The following SIL1 variants were observed in gnomAD, a reference collection of about 807,000 sequenced individuals.
SIL1 encodes nucleotide exchange factor SIL1.
A neutral mutation model predicts 49.1 loss-of-function variants in SIL1; 40 were observed. The observed-to-expected ratio is 0.81, with a 90% CI of 0.63 to 1.06. SIL1 has a LOEUF of 1.06. Among genes scored for constraint, SIL1 ranks in the 50% least tolerant of loss-of-function variants. The probability of loss-of-function intolerance (pLI) is 0.00; values close to 1 mark genes in which losing one functional copy is unlikely to be tolerated. For missense variants in SIL1, 500 were observed against 572.6 expected (o/e 0.87, Z 1.29); for synonymous variants, 253 against 250.8 (o/e 1.01, Z -0.08).
intron 7 of SIL1, among the ~76,000 whole-genome samples, chr5:138,996,795 G>A (rs1196035311): frequency 1.3e-5 from 2 of 152,098 alleles, no homozygotes; most frequent in Admixed American, 6.5e-5. Flanking sequence ...TGGGATTACA[G>A]GTGTGAGCCA....
chr5:139,131,068 CA>C (rs1750853702), intron 1 of SIL1, among the ~76,000 whole-genome samples: 1 of 152,070 alleles, frequency 6.6e-6, no homozygotes, highest in South Asian at 2.1e-4. Context: ...AAACTTAATC[CA>C]AATTAGCAAA....
chr5:138,950,801 G>C (rs1766752646), intron 9 of SIL1, among the ~76,000 whole-genome samples: 1 of 152,188 alleles, frequency 6.6e-6, no homozygotes, highest in Non-Finnish European at 1.5e-5. Context: ...AGAATCCGAA[G>C]AGTGAGTGCC....
intron 7 of SIL1, among the ~76,000 whole-genome samples, chr5:138,969,267 C>T (rs990158388): frequency 2.0e-5 from 3 of 152,116 alleles, no homozygotes; most frequent in African/African-American, 7.2e-5. Context: ...GATTAGGCAC[C>T]GCCTGCCAGC....
chr5:138,999,164 A>G (rs888136012), intron 7 of SIL1, among the ~76,000 whole-genome samples: 2 of 152,144 alleles, frequency 1.3e-5, no homozygotes, highest in Non-Finnish European at 2.9e-5. Flanking sequence ...GCCGAGGATT[A>G]TCTTTCAACA....
intron 7 of SIL1, among the ~76,000 whole-genome samples, chr5:139,003,814 T>C (rs955577774): frequency 6.6e-6 from 1 of 152,200 alleles, no homozygotes; most frequent in African/African-American, 2.4e-5. Flanking sequence ...GTTCCATTCT[T>C]CTCTTTGCTT....
At chr5:139,190,854 G>A (rs1299667295) in intron 1 of SIL1, among the ~76,000 whole-genome samples, 1 of 152,130 alleles carries the variant, frequency 6.6e-6, no homozygotes, top group Admixed American at 6.6e-5. Flanking sequence ...TTTAGCAGCT[G>A]GGTCCAAGGA....
chr5:138,957,631 A>G (rs1181840646), intron 7 of SIL1, among the ~76,000 whole-genome samples: 1 of 151,878 alleles, frequency 6.6e-6, no homozygotes, highest in Non-Finnish European at 1.5e-5. Flanking sequence ...CAAGAATAGT[A>G]AATAAACTCC....
chr5:139,065,466 T>C (rs1204179008), intron 3 of SIL1, among the ~76,000 whole-genome samples: 1 of 152,214 alleles, frequency 6.6e-6, no homozygotes, highest in Admixed American at 6.5e-5. Flanking sequence ...GTCACAAACT[T>C]AAGCCAGTTT....
At chr5:139,118,808 T>C (rs1051305460) in intron 3 of SIL1, among the ~76,000 whole-genome samples, 3 of 152,128 alleles carry the variant, frequency 2.0e-5, no homozygotes, top group African/African-American at 7.2e-5. Context: ...ATAGAAAACA[T>C]GTCAATTCTT....
At chr5:139,123,062 TG>T (rs1432808330) in intron 2 of SIL1, among the ~76,000 whole-genome samples, 1 of 152,214 alleles carries the variant, frequency 6.6e-6, no homozygotes, top group Non-Finnish European at 1.5e-5. Flanking sequence ...GGGTACATGG[TG>T]GCTGCTACTA....
At chr5:139,051,193 C>T (rs575658846) in intron 3 of SIL1, 147 bp from the exon 4 acceptor site, 2 of 711,890 alleles carry the variant, frequency 2.8e-6, no homozygotes, top group African/African-American at 3.5e-5. Context: ...ATCCCTCTCC[C>T]TTGAACACAC....
At chr5:139,172,238 A>G (rs546233086) in intron 1 of SIL1, among the ~76,000 whole-genome samples, 7 of 152,374 alleles carry the variant, frequency 4.6e-5, no homozygotes, top group African/African-American at 1.7e-4. Context: ...AGACACGAAC[A>G]TAAACATCTG....
At chr5:138,977,649 A>G (rs1400522138) in intron 7 of SIL1, among the ~76,000 whole-genome samples, 1 of 152,100 alleles carries the variant, frequency 6.6e-6, no homozygotes, top group Non-Finnish European at 1.5e-5. Context: ...CCAGGGGATC[A>G]TTTTTAAAAT....
At chr5:139,176,772 C>T (rs1179399269) in intron 1 of SIL1, among the ~76,000 whole-genome samples, 2 of 151,896 alleles carry the variant, frequency 1.3e-5, no homozygotes, top group East Asian at 1.9e-4. Flanking sequence ...GGAACCACCT[C>T]GAGGGTTAGG....
At chr5:139,164,670 G>T (rs1751581439) in intron 1 of SIL1, among the ~76,000 whole-genome samples, 1 of 152,176 alleles carries the variant, frequency 6.6e-6, no homozygotes, top group Admixed American at 6.5e-5. Flanking sequence ...GTGGGTATCA[G>T]TACACACTTA....
intron 3 of SIL1, among the ~76,000 whole-genome samples, chr5:139,075,310 A>G (rs1032793780): frequency 2.0e-5 from 3 of 152,118 alleles, no homozygotes; most frequent in Admixed American, 6.5e-5. Context: ...ACATTTTAAA[A>G]ACTCCCATCC....
intron 7 of SIL1, among the ~76,000 whole-genome samples, chr5:138,973,745 T>C (rs563212574): frequency 2.6e-5 from 4 of 151,952 alleles, no homozygotes; most frequent in South Asian, 2.1e-4. Flanking sequence ...TGTCCAGCCT[T>C]GACTAATTTG....
At chr5:138,976,142 C>A (rs73790395) in intron 7 of SIL1, among the ~76,000 whole-genome samples, 1 of 152,070 alleles carries the variant, frequency 6.6e-6, no homozygotes, top group African/African-American at 2.4e-5. Context: ...ATGACCTTCA[C>A]GGCCCAGATA....
At chr5:139,006,845 C>A (rs1254917802) in intron 7 of SIL1, among the ~76,000 whole-genome samples, 1 of 148,006 alleles carries the variant, frequency 6.8e-6, no homozygotes, top group Non-Finnish European at 1.5e-5. Flanking sequence ...CAGTACCATG[C>A]TGTTTTGGTT....
Sources: allele counts gnomAD v4.1 joint callset (sites outside exome capture counted in the v4.1 genomes callset), GRCh38; gene constraint gnomAD v4.1.1; transcripts MANE v1.5; gene names NCBI Gene and HGNC (gene_info 2026-07-23, HGNC 2026-07-21).